Variants in VPS8 observed in about 807,000 individuals in gnomAD.
VPS8 encodes the protein VPS8 subunit of CORVET complex.
VPS8 carries 129 observed loss-of-function variants against 216.4 expected under a neutral mutation model. That is an observed-to-expected ratio of 0.60 (90% CI 0.52 to 0.69). The LOEUF is 0.69. Ranked by LOEUF, VPS8 falls within the 30% of genes least tolerant of loss-of-function variation. The pLI, the probability that VPS8 is intolerant of heterozygous loss-of-function variation, is 0.00. For synonymous variants in VPS8, 571 were observed against 565.4 expected (o/e 1.01, Z -0.14); for missense variants, 1,531 against 1,683.5 (o/e 0.91, Z 1.59).
chr3:184,994,433 G>A (rs1752345596), intron 43 of VPS8, among the ~76,000 whole-genome samples: 1 of 151,120 alleles, frequency 6.6e-6, no homozygotes, highest in African/African-American at 2.4e-5. Context: ...GGAGGCTGCA[G>A]TGAGCTATGA....
In VPS8 at chr3:184,936,342, A is replaced by G. The variant is rs750036154; in HGVS notation, c.2988+7A>G. 10 of 1,600,212 alleles carry G rather than the reference A, an allele frequency of 6.2e-6. 1 individual carries two copies. The highest frequency in any genetic ancestry group is 1.7e-4 in the Middle Eastern group (1 of 6,048). ...GGTCATTAAAAAACTTCAGGTACAT[A>G]TTGCAAATATATATTGGGGAAAAAT... On this transcript the variant is annotated splice_region_variant and intron_variant, in intron 35 of 47. Coordinates refer to ENST00000625842, the MANE Select transcript of VPS8 (RefSeq NM_001009921.3).
chr3:185,016,237 T>A (rs1257973866), intron 45 of VPS8, among the ~76,000 whole-genome samples: 2 of 152,228 alleles, frequency 1.3e-5, no homozygotes, highest in Non-Finnish European at 2.9e-5. Flanking sequence ...TGTAGTGTCA[T>A]TTACTAAGGC....
intron 1 of VPS8, among the ~76,000 whole-genome samples, chr3:184,822,939 A>G (rs1458914261): frequency 1.3e-5 from 2 of 152,132 alleles, no homozygotes; most frequent in African/African-American, 4.8e-5. Context: ...TAAATAGAAA[A>G]CCCATTTTCT....
chr3:184,858,356 T>G (rs1256921078), intron 14 of VPS8, among the ~76,000 whole-genome samples: 1 of 152,212 alleles, frequency 6.6e-6, no homozygotes, highest in East Asian at 1.9e-4. Flanking sequence ...AAAATAAATT[T>G]TATTTCTCAA....
intron 25 of VPS8, among the ~76,000 whole-genome samples, chr3:184,912,081 C>G (rs1328226202): frequency 6.6e-6 from 1 of 152,140 alleles, no homozygotes; most frequent in Non-Finnish European, 1.5e-5. Flanking sequence ...CATGTTTTTA[C>G]TTCTGAAGAG....
chr3:185,016,681 T>C (rs1755845318), intron 45 of VPS8, among the ~76,000 whole-genome samples: 3 of 152,212 alleles, frequency 2.0e-5, no homozygotes, highest in Admixed American at 1.3e-4. Flanking sequence ...TCCCCATTGG[T>C]TGTATGACTG....
At chr3:185,020,622 C>G (rs903876438) in intron 45 of VPS8, among the ~76,000 whole-genome samples, 8 of 152,270 alleles carry the variant, frequency 5.3e-5, no homozygotes, top group African/African-American at 1.9e-4. Context: ...AGGTGCACAC[C>G]AGCACTCCAG....
At chr3:185,004,441 C>G (rs565803588) in intron 45 of VPS8, among the ~76,000 whole-genome samples, 1 of 152,194 alleles carries the variant, frequency 6.6e-6, no homozygotes, top group African/African-American at 2.4e-5. Context: ...CACAGTCCAG[C>G]CTCGGCTCGG....
chr3:184,927,191 G>T, intron 31 of VPS8, among the ~76,000 whole-genome samples: 1 of 152,106 alleles, frequency 6.6e-6, no homozygotes, highest in Non-Finnish European at 1.5e-5. Context: ...TTGAGGAGTA[G>T]GATTCTTTAA....
At chr3:184,826,063 T>C (rs1185469973) in intron 2 of VPS8, 100 bp from the exon 3 acceptor site, 1 of 795,486 alleles carries the variant, frequency 1.3e-6, no homozygotes, top group Admixed American at 2.8e-5. Context: ...TGGTGGTAAG[T>C]TTGTCTTTTA....
chr3:184,990,561 G>A (rs1751758860), intron 42 of VPS8, among the ~76,000 whole-genome samples: 1 of 152,068 alleles, frequency 6.6e-6, no homozygotes, highest in South Asian at 2.1e-4. Flanking sequence ...ATTGAGCTGG[G>A]GATGTAGCAA....
intron 21 of VPS8, among the ~76,000 whole-genome samples, chr3:184,883,298 G>A (rs1392294463): frequency 2.0e-5 from 3 of 152,040 alleles, no homozygotes. Flanking sequence ...TGTTTCCTCT[G>A]ATAACTTAGA....
At chr3:184,858,477 T>C (rs1432384802) in intron 14 of VPS8, among the ~76,000 whole-genome samples, 1 of 152,232 alleles carries the variant, frequency 6.6e-6, no homozygotes, top group African/African-American at 2.4e-5. Context: ...GCAGTCTTTT[T>C]CACATTATTA....
chr3:184,938,167 T>G (rs915362377), intron 35 of VPS8, among the ~76,000 whole-genome samples: 1 of 152,116 alleles, frequency 6.6e-6, no homozygotes, highest in Admixed American at 6.5e-5. Flanking sequence ...GTAAAATGTA[T>G]AGGATCTGGA....
At chr3:184,922,884 A>G (rs1738890605) in intron 29 of VPS8, among the ~76,000 whole-genome samples, 1 of 152,094 alleles carries the variant, frequency 6.6e-6, no homozygotes, top group African/African-American at 2.4e-5. Flanking sequence ...AAGAAATGGA[A>G]AGGAAATGGC....
chr3:184,858,306 G>C (rs1174602702), intron 14 of VPS8, among the ~76,000 whole-genome samples: 1 of 152,044 alleles, frequency 6.6e-6, no homozygotes, highest in Non-Finnish European at 1.5e-5. Flanking sequence ...TTACACAAGG[G>C]AACTTCAAAA....
chr3:184,860,985 G>T (rs1577947839), intron 15 of VPS8, among the ~76,000 whole-genome samples: 1 of 151,854 alleles, frequency 6.6e-6, no homozygotes, highest in East Asian at 1.9e-4. Context: ...ATCACGCCTG[G>T]CTAATTTTTT....
At chr3:184,878,345 A>G (rs575554787) in intron 21 of VPS8, among the ~76,000 whole-genome samples, 1 of 152,214 alleles carries the variant, frequency 6.6e-6, no homozygotes, top group African/African-American at 2.4e-5. Flanking sequence ...TTCTGACCTC[A>G]TGATCCACCC....
intron 45 of VPS8, among the ~76,000 whole-genome samples, chr3:185,009,985 CAAAAAA>C (rs11367805): frequency 2.2e-5 from 2 of 91,384 alleles, no homozygotes; most frequent in African/African-American, 3.9e-5. Context: ...ACTTCAGGTC[CAAAAAA>C]AAAAAAAAAA....
Sources: allele counts gnomAD v4.1 joint callset (sites outside exome capture counted in the v4.1 genomes callset), GRCh38; gene constraint gnomAD v4.1.1; transcripts MANE v1.5; gene names NCBI Gene and HGNC (gene_info 2026-07-23, HGNC 2026-07-21).